PDE11A: variants seen among roughly 807,000 people sequenced by gnomAD.
PDE11A encodes the protein dual 3',5'-cyclic-AMP and -GMP phosphodiesterase 11A.
PDE11A carries 100 observed loss-of-function variants against 100.5 expected under a neutral mutation model. That is an observed-to-expected ratio of 1.00 (90% CI 0.85 to 1.18). PDE11A has a LOEUF of 1.18. Among genes scored for constraint, PDE11A ranks in the 50% most tolerant of loss-of-function variants. PDE11A has a pLI of 0.00. For synonymous variants in PDE11A, 381 were observed against 420.8 expected, an observed-to-expected ratio of 0.91 and a Z score of 1.16; for missense variants, 1,141 against 1,152.6, an observed-to-expected ratio of 0.99 and a Z score of 0.15.
intron 5 of PDE11A, among the ~76,000 whole-genome samples, chr2:177,844,384 C>T (rs2083544765): frequency 6.6e-6 from 1 of 152,076 alleles, no homozygotes; most frequent in Non-Finnish European, 1.5e-5. Flanking sequence ...GACCTAATCA[C>T]CTCCTAAAGG....
In PDE11A at chr2:178,071,858, A is replaced by C. The variant is rs1430515402; in HGVS notation, c.580T>G (p.Cys194Gly). The C allele has an allele frequency of 6.2e-6, 10 of 1,613,968 alleles. No individual in the cohort carries two copies. The highest frequency in any genetic ancestry group is 7.6e-6 in the Non-Finnish European group (9 of 1,179,984). ...RYPPTAIDYK[C>G]HLKKHNERQF... ...CGCTCATTATGCTTTTTCAGATGGCACTTGTAGTCGATGGCTGTAGGGGGA... is the reference window on the plus strand; with the variant it reads ...CGCTCATTATGCTTTTTCAGATGGCCCTTGTAGTCGATGGCTGTAGGGGGA... The change falls in exon 1 of 20, where the codon TGC becomes GGC. Residue 194 changes from cysteine (C) to glycine (G), a missense_variant. Transcript: ENST00000286063.
Position 177,789,664 on chromosome 2 carries a change from T to G in PDE11A, c.1738-20291A>C, listed in dbSNP as rs550041955. On this transcript the variant is annotated intron_variant, in intron 9 of 19. Coordinates refer to ENST00000286063, the MANE Select transcript of PDE11A (RefSeq NM_016953.4). ...CCCATTGTCTCAGCCCAAAATCTTC[T>G]TAAGGTGATAAGCAACTTAAGCAAA... Among the ~76,000 whole-genome samples, 3 of 152,238 alleles carry G rather than the reference T, an allele frequency of 2.0e-5. No homozygotes were observed. In the East Asian group the frequency reaches 5.8e-4, roughly 29 times the overall value.
At chr2:177,971,219 C>G (rs954265698) in intron 2 of PDE11A, among the ~76,000 whole-genome samples, 1 of 152,144 alleles carries the variant, frequency 6.6e-6, no homozygotes, top group Non-Finnish European at 1.5e-5. Flanking sequence ...GAACCTTGAG[C>G]CGGCTATTTC....
intron 2 of PDE11A, among the ~76,000 whole-genome samples, chr2:178,006,818 A>G (rs1035330243): frequency 8.0e-5 from 1 of 12,450 alleles, no homozygotes; most frequent in Non-Finnish European, 3.9e-4. Flanking sequence ...ATTTCTGTCA[A>G]AACAAGGGGG....
At chr2:177,979,456 G>A (rs1263304662) in intron 2 of PDE11A, among the ~76,000 whole-genome samples, 1 of 150,310 alleles carries the variant, frequency 6.7e-6, no homozygotes, top group Non-Finnish European at 1.5e-5. Context: ...TAAGGCCTTG[G>A]TGGTTTGTCT....
At chr2:177,707,088 AC>A (rs1448880124) in intron 13 of PDE11A, among the ~76,000 whole-genome samples, 1 of 152,190 alleles carries the variant, frequency 6.6e-6, no homozygotes, top group Non-Finnish European at 1.5e-5. Flanking sequence ...AAAGTCATGG[AC>A]CAGAGTGTGA....
At chr2:177,956,267 C>A (rs886899862) in intron 2 of PDE11A, among the ~76,000 whole-genome samples, 3 of 152,162 alleles carry the variant, frequency 2.0e-5, no homozygotes, top group African/African-American at 7.2e-5. Flanking sequence ...ACAGACACTT[C>A]TCAAAAGAAG....
chr2:177,952,619 A>AT (rs2085518141), intron 2 of PDE11A, among the ~76,000 whole-genome samples: 1 of 152,008 alleles, frequency 6.6e-6, no homozygotes, highest in African/African-American at 2.4e-5. Context: ...TCAGAAACCC[A>AT]TATCCTTCCA....
At chr2:177,833,985 C>T (rs1363814374) in intron 6 of PDE11A, among the ~76,000 whole-genome samples, 1 of 152,192 alleles carries the variant, frequency 6.6e-6, no homozygotes, top group Non-Finnish European at 1.5e-5. Context: ...ACCAGAAATT[C>T]GGGCCTAATG....
intron 9 of PDE11A, among the ~76,000 whole-genome samples, chr2:177,813,015 G>A (rs2082972996): frequency 6.6e-6 from 1 of 152,270 alleles, no homozygotes; most frequent in Non-Finnish European, 1.5e-5. Flanking sequence ...ACTTAAGGCA[G>A]AAGTGGGAAC....
chr2:177,638,878 T>C (rs12619506), intron 19 of PDE11A, among the ~76,000 whole-genome samples: 7,234 of 152,288 alleles, frequency 0.048, 180 homozygotes, highest in East Asian at 0.076. Context: ...GTGGATCACT[T>C]TACTTGCTCC....
chr2:177,821,978 A>G (rs2083148468), intron 6 of PDE11A, among the ~76,000 whole-genome samples: 1 of 151,872 alleles, frequency 6.6e-6, no homozygotes, highest in South Asian at 2.1e-4. Flanking sequence ...TATCTTCTAT[A>G]TTCTGGATAA....
At chr2:177,635,349 G>A (rs948114988) in intron 19 of PDE11A, among the ~76,000 whole-genome samples, 6 of 152,050 alleles carry the variant, frequency 3.9e-5, no homozygotes, top group African/African-American at 1.2e-4. Context: ...TCTCCCTTGG[G>A]GCAACCTTTT....
At position 177,825,081 on chromosome 2, in the gene PDE11A, G is replaced by A. The variant is rs75732002; in HGVS notation, c.1501-4786C>T. Reference sequence around the variant, plus strand: ...CCAATGCTATAGAGAAGTCTAATAAGATAAGGACTGAAAATGGCTTACTGA... The same window carrying A: ...CCAATGCTATAGAGAAGTCTAATAAAATAAGGACTGAAAATGGCTTACTGA... On this transcript the variant is annotated intron_variant, in intron 6 of 19. Transcript: ENST00000286063. 6.0e-3 allele frequency among the ~76,000 whole-genome samples: 919 copies of A among 152,284 alleles called. 4 individuals carry two copies. The highest frequency in any genetic ancestry group is 0.012 in the Admixed American group (176 of 15,280).
At chr2:177,887,636 C>T (rs2084459640) in intron 4 of PDE11A, among the ~76,000 whole-genome samples, 1 of 152,032 alleles carries the variant, frequency 6.6e-6, no homozygotes, top group African/African-American at 2.4e-5. Context: ...CACCTGAAGT[C>T]CTAGCTACTT....
At chr2:177,803,833 C>T (rs577951866) in intron 9 of PDE11A, among the ~76,000 whole-genome samples, 1 of 152,012 alleles carries the variant, frequency 6.6e-6, no homozygotes, top group East Asian at 1.9e-4. Flanking sequence ...ACAACAAATT[C>T]ACAGCCAACA....
chr2:178,041,184 C>T (rs1334254308), intron 1 of PDE11A, among the ~76,000 whole-genome samples: 1 of 152,030 alleles, frequency 6.6e-6, no homozygotes, highest in Non-Finnish European at 1.5e-5. Flanking sequence ...AAGCAATGCT[C>T]CTGCCTCAGC....
At chr2:177,687,693 A>T (rs183287877) in intron 15 of PDE11A, 40 of 152,294 alleles carry the variant, frequency 2.6e-4, no homozygotes, top group African/African-American at 9.1e-4. Context: ...TGTGTATATG[A>T]ATATGTACAT....
intron 6 of PDE11A, among the ~76,000 whole-genome samples, chr2:177,833,352 C>G (rs934805): frequency 0.99 from 150,417 of 152,344 alleles, 74,278 homozygotes; most frequent in Middle Eastern, 1. Flanking sequence ...CTCTTGAGCA[C>G]AGCAGATAGG....
Sources: allele counts gnomAD v4.1 joint callset (sites outside exome capture counted in the v4.1 genomes callset), GRCh38; gene constraint gnomAD v4.1.1; transcripts MANE v1.5; gene names NCBI Gene and HGNC (gene_info 2026-07-23, HGNC 2026-07-21).